Variants in CLEC17A observed in about 807,000 individuals in gnomAD.
CLEC17A encodes the protein C-type lectin domain containing 17A, also known as C-type lectin domain family 17, member A.
In CLEC17A, 37 loss-of-function variants were observed where a neutral mutation model predicts 61.3. The observed-to-expected ratio is 0.60, with a 90% CI of 0.46 to 0.79. The LOEUF (loss-of-function observed/expected upper bound fraction) is 0.79, where lower values mean the gene tolerates loss of function less well. CLEC17A is among the 30% of genes least tolerant of loss of function. CLEC17A has a pLI of 0.00. For synonymous variants in CLEC17A, 168 were observed against 164.9 expected, an observed-to-expected ratio of 1.02 and a Z score of -0.14; for missense variants, 418 against 464.7, an observed-to-expected ratio of 0.90 and a Z score of 0.92.
At chr19:14,605,288 G>A (rs1028856869) in intron 12 of CLEC17A, among the ~76,000 whole-genome samples, 1 of 151,128 alleles carries the variant, frequency 6.6e-6, no homozygotes, top group Admixed American at 6.6e-5. Flanking sequence ...TAGAGATGGG[G>A]TTTTGCCACG....
chr19:14,582,532 A>T (rs2074194813), upstream of CLEC17A, among the ~76,000 whole-genome samples: 1 of 152,046 alleles, frequency 6.6e-6, no homozygotes, highest in Admixed American at 6.6e-5. Flanking sequence ...TTTAAGGCCC[A>T]CCTAGGTAAT....
chr19:14,592,478 C>A, intron 4 of CLEC17A, 120 bp downstream of exon 4: 2 of 1,527,452 alleles, frequency 1.3e-6, no homozygotes, highest in South Asian at 2.5e-5. Flanking sequence ...ATGCCAGGCA[C>A]TGTGCAACAC....
chr19:14,583,534 T>G (rs969298394), intron 2 of CLEC17A, 100 bp downstream of exon 2: 21 of 1,564,086 alleles, frequency 1.3e-5, no homozygotes, highest in Non-Finnish European at 1.8e-5. Flanking sequence ...GTCTCCTCTG[T>G]ATCCAGCCCA....
chr19:14,595,848 GTGA>G (rs1162499611), intron 8 of CLEC17A, among the ~76,000 whole-genome samples: 1 of 148,676 alleles, frequency 6.7e-6, no homozygotes, highest in African/African-American at 2.5e-5. Flanking sequence ...GGTGGTGGTG[GTGA>G]TGATGAAGGT....
intron 4 of CLEC17A, among the ~76,000 whole-genome samples, chr19:14,592,958 G>A (rs1373122778): frequency 6.6e-6 from 1 of 152,032 alleles, no homozygotes; most frequent in Non-Finnish European, 1.5e-5. Context: ...GAGCCACCAC[G>A]CCTGGCCGAG....
intron 4 of CLEC17A, among the ~76,000 whole-genome samples, chr19:14,594,051 G>C (rs2074486597): frequency 6.6e-6 from 1 of 152,112 alleles, no homozygotes; most frequent in East Asian, 1.9e-4. Context: ...GGGAGGCCAA[G>C]GCGGGTGGAT....
At chr19:14,596,584 T>C (rs1324295438) in intron 8 of CLEC17A, among the ~76,000 whole-genome samples, 1 of 152,080 alleles carries the variant, frequency 6.6e-6, no homozygotes, top group Non-Finnish European at 1.5e-5. Flanking sequence ...CAGTGAGCTA[T>C]AACTGTGCCA....
At position 14,592,310 on chromosome 19, in the gene CLEC17A, G is replaced by C. The variant is rs763179467; in HGVS notation, c.229G>C (p.Asp77His). 3 of 1,603,304 alleles carry C rather than the reference G, an allele frequency of 1.9e-6. No homozygotes were observed. Among genetic ancestry groups the C allele is most frequent in the East Asian group, 2.2e-5 (1 of 44,458 alleles). ...GTMEEEEEDD[D>H]YENSTPPYKD... ...CATGGAGGAGGAGGAGGAGGATGAT[G>C]ACTATGAGAACTCAACACCTCCCTA... The change falls in exon 4 of 14, where the codon GAC becomes CAC. Residue 77 changes from aspartate (D) to histidine (H), a missense_variant. Transcript: ENST00000417570.
In CLEC17A at chr19:14,595,312, G is replaced by A. The variant is rs1272232438; in HGVS notation, c.442G>A (p.Ala148Thr). ...LEPSPLQPSL[A>T]ATPVPWLNQR... ...GCCTTCTCCATTGCAGCCATCCCTG[G>A]CCGGTAAGTGTCCTCCCATTTCCCC... Residue 148 changes from alanine to threonine, a missense_variant, in exon 8 of 14, where the codon GCC becomes ACC. Ala to Thr is a moderately conservative substitution (Grantham distance 58, BLOSUM62 0). Transcript: ENST00000417570. The A allele has an allele frequency of 3.1e-6, 5 of 1,613,756 alleles. No homozygotes were observed. The highest frequency in any genetic ancestry group is 1.6e-4 in the Middle Eastern group (1 of 6,082).
intron 13 of CLEC17A, among the ~76,000 whole-genome samples, chr19:14,607,376 T>A (rs990781293): frequency 3.3e-5 from 5 of 151,222 alleles, no homozygotes; most frequent in South Asian, 2.1e-4. Context: ...GCTAATTTTT[T>A]GTATTTTTAG....
intron 3 of CLEC17A, among the ~76,000 whole-genome samples, chr19:14,590,782 G>T (rs1315232056): frequency 6.6e-6 from 1 of 151,882 alleles, no homozygotes; most frequent in Non-Finnish European, 1.5e-5. Context: ...AACCTCCTGA[G>T]CTCAAGCAAT....
rs2074896958 is a variant in CLEC17A, at chr19:14,607,025, G to T, written c.927G>T (p.Arg309=). 7.5e-7 allele frequency: 1 copy of T among 1,324,946 alleles called. No individual in the cohort carries two copies. The highest frequency in any genetic ancestry group is 2.0e-5 in the South Asian group (1 of 48,956). The allele number at this position is 1,324,946 out of a possible 1,614,324, so 82.1% of individuals were successfully genotyped here. ...NFVAKAHGSP[R]VYWLGLNDRA... ...TGGCCAAGGCCCATGGCTCTCCACG[G>T]GTGTACTGGCTGGGGCTGAATGACA... Residue 309 remains arginine (R), a synonymous_variant, in exon 13 of 14, where the codon CGG becomes CGT. Transcript: ENST00000417570.
chr19:14,606,315 C>G (rs2074866737), intron 12 of CLEC17A, among the ~76,000 whole-genome samples: 1 of 149,444 alleles, frequency 6.7e-6, no homozygotes, highest in Admixed American at 6.8e-5. Flanking sequence ...TTGGGACATG[C>G]AGTGAGCCAT....
chr19:14,597,106 G>A lies in CLEC17A; in HGVS notation c.591G>A (p.Glu197=), dbSNP rs774101867. ...TTGGACTCTTCTTCATAGACCAGGA[G>A]TTGATGGAAGAACTGAGAATGTTAA... ...GLTVTLIKYQ[E]LMEELRMLSF... is the part of the protein sequence containing the mutation. Residue 197 remains glutamate, a synonymous_variant, in exon 10 of 14, where the codon GAG becomes GAA. Coordinates refer to ENST00000417570, the MANE Select transcript of CLEC17A (RefSeq NM_001204118.2). 3 of 1,613,182 alleles carry A rather than the reference G, an allele frequency of 1.9e-6. No homozygotes were observed. The African/African-American group carries it at 4.0e-5, about 22-fold the overall frequency.
chr19:14,592,466 C>A, intron 4 of CLEC17A, 108 bp downstream of exon 4: 1 of 1,548,662 alleles, frequency 6.5e-7, no homozygotes, highest in East Asian at 2.4e-5. Context: ...TGTATCCAGC[C>A]CATGCCAGGC....
Position 14,599,782 on chromosome 19 carries a change from C to T in CLEC17A, c.712C>T (p.Gln238Ter). 1 of 1,613,896 alleles carries T rather than the reference C, an allele frequency of 6.2e-7. No homozygotes were observed. The highest frequency in any genetic ancestry group is 8.5e-7 in the Non-Finnish European group (1 of 1,179,800). The change falls in exon 11 of 14, where the codon CAG (glutamine) becomes TAG (stop). Residue 238 changes from glutamine (Q) to a stop codon, truncating the protein, a stop_gained. Transcript: ENST00000417570. LOFTEE classifies it high-confidence loss of function. ...TGCCCGTGTAAGAGCTGACACCAAC[C>T]AGTCCCTGGTGGAACTTTGGGGCTT... ...DIARVRADTN[Q>*]SLVELWGLLD...
In CLEC17A at chr19:14,594,489, G is replaced by A. The variant is rs903283652; in HGVS notation, c.278-28G>A. ...TTGGCGCATTCCCATCCTCAGCCCA[G>A]CCCTCACCCTGAGCTTCTCTTCTCC... On this transcript the variant is annotated intron_variant, in intron 4 of 13. Transcript: ENST00000417570. 8 of 1,560,518 alleles carry A rather than the reference G, an allele frequency of 5.1e-6. No homozygotes were observed. In the Admixed American group the frequency reaches 1.6e-4, roughly 30 times the overall value.
At chr19:14,598,489 T>C (rs961228649) in intron 10 of CLEC17A, among the ~76,000 whole-genome samples, 1 of 151,858 alleles carries the variant, frequency 6.6e-6, no homozygotes, top group Admixed American at 6.6e-5. Flanking sequence ...GCTTTCTTTC[T>C]TTTGACAGAA....
At chr19:14,604,813 G>T (rs2074814790) in intron 12 of CLEC17A, among the ~76,000 whole-genome samples, 1 of 151,878 alleles carries the variant, frequency 6.6e-6, no homozygotes, top group African/African-American at 2.4e-5. Flanking sequence ...GATTAAAGAA[G>T]AAATCAAAAC....
Sources: allele counts gnomAD v4.1 joint callset (sites outside exome capture counted in the v4.1 genomes callset), GRCh38; gene constraint gnomAD v4.1.1; transcripts MANE v1.5; gene names NCBI Gene and HGNC (gene_info 2026-07-23, HGNC 2026-07-21).